The following MED12L variants were observed in gnomAD, a reference collection of about 807,000 sequenced individuals.
MED12L encodes the protein mediator complex subunit 12L, also known as mediator of RNA polymerase II transcription subunit 12-like protein.
In MED12L, 60 loss-of-function variants were observed where a neutral mutation model predicts 281.3. The ratio of observed to expected loss-of-function variants is 0.21; its 90% confidence interval spans 0.17 to 0.26. The LOEUF is 0.26. Among genes scored for constraint, MED12L ranks in the 10% least tolerant of loss-of-function variants. MED12L has a pLI of 1.00. For missense variants in MED12L, 2,146 were observed against 2,680.9 expected, an observed-to-expected ratio of 0.80 and a Z score of 4.41; for synonymous variants, 974 against 987.2, an observed-to-expected ratio of 0.99 and a Z score of 0.25.
At chr3:151,387,341 G>A (rs1204142071) in intron 36 of MED12L, among the ~76,000 whole-genome samples, 1 of 152,064 alleles carries the variant, frequency 6.6e-6, no homozygotes, top group African/African-American at 2.4e-5. Flanking sequence ...ATTGAACCAA[G>A]TTCATGCAGA....
At position 151,416,367 on chromosome 3, in the gene MED12L, C is replaced by T. The variant is rs747578439; in HGVS notation, c.6353C>T (p.Ser2118Leu). ...PQQPPQPQQS[S>L]QSQSQTLGLQ... ...CAGCCTCCCCAGCCCCAGCAGTCCTCGCAGTCCCAGAGTCAGACCCTTGGT... is the reference window on the plus strand; with the variant it reads ...CAGCCTCCCCAGCCCCAGCAGTCCTTGCAGTCCCAGAGTCAGACCCTTGGT... Residue 2118 changes from serine (S) to leucine (L), a missense_variant, in exon 43 of 45, where the codon TCG becomes TTG. Physicochemically the swap from Ser to Leu is moderately radical, Grantham distance 145. Around this residue, in one of 9 missense-constraint regions of MED12L, gnomAD observed 496 missense variants for 512.0 expected, o/e 0.97. Transcript: ENST00000687756. The T allele has an allele frequency of 4.8e-5, 78 of 1,610,976 alleles. No homozygotes were observed. The highest frequency in any genetic ancestry group is 1.5e-4 in the African/African-American group (11 of 74,582).
chr3:151,354,553 G>C (rs1209059813), intron 17 of MED12L, among the ~76,000 whole-genome samples: 1 of 152,122 alleles, frequency 6.6e-6, no homozygotes, highest in Non-Finnish European at 1.5e-5. Flanking sequence ...GTCAAAGTGA[G>C]CCCAGGAGAT....
intron 27 of MED12L, among the ~76,000 whole-genome samples, 168 bp downstream of exon 27, chr3:151,372,934 A>C (rs903468403): frequency 6.6e-5 from 10 of 151,492 alleles, no homozygotes; most frequent in African/African-American, 2.2e-4. Flanking sequence ...TTTTTAAAAA[A>C]CTCATGTCCA....
At chr3:151,340,459 A>G (rs10935838) in intron 16 of MED12L, 129,474 of 152,590 alleles carry the variant, frequency 0.85, 54,971 homozygotes, top group Middle Eastern at 0.95. Flanking sequence ...TATTTTAATT[A>G]TAATTTTTAT....
chr3:151,329,563 G>A (rs950019131), intron 16 of MED12L: 1 of 1,484,692 alleles, frequency 6.7e-7, no homozygotes, highest in Admixed American at 2.0e-5. Flanking sequence ...TGAAGCAAAT[G>A]TTCTGCTTTC....
chr3:151,351,712 C>T (rs1753258349), intron 17 of MED12L, among the ~76,000 whole-genome samples: 2 of 152,046 alleles, frequency 1.3e-5, no homozygotes, highest in South Asian at 4.1e-4. Context: ...TCAGGAGGTT[C>T]GTAATACATA....
At chr3:151,130,618 C>T (rs774044394) in intron 5 of MED12L, among the ~76,000 whole-genome samples, 14 of 152,172 alleles carry the variant, frequency 9.2e-5, no homozygotes, top group East Asian at 1.9e-4. Context: ...GCGACGCCAG[C>T]GACCTGCCTG....
chr3:151,154,070 C>T (rs1378497199), intron 5 of MED12L, among the ~76,000 whole-genome samples: 1 of 152,140 alleles, frequency 6.6e-6, no homozygotes, highest in Admixed American at 6.5e-5. Context: ...TTACCATTCT[C>T]TAGTCGTGAA....
chr3:151,382,775 A>G (rs369127425), intron 33 of MED12L, 30 bp downstream of exon 33: 3 of 1,549,862 alleles, frequency 1.9e-6, no homozygotes, highest in South Asian at 2.3e-5. Context: ...TTTTCCCTCC[A>G]TTAAACATAT....
At chr3:151,286,372 A>G (rs960800705) in intron 16 of MED12L, among the ~76,000 whole-genome samples, 1 of 152,230 alleles carries the variant, frequency 6.6e-6, no homozygotes, top group Non-Finnish European at 1.5e-5. Flanking sequence ...TAGAATTTAA[A>G]TTATTTATTC....
intron 11 of MED12L, among the ~76,000 whole-genome samples, chr3:151,184,949 C>T (rs1723097539): frequency 6.6e-6 from 1 of 152,136 alleles, no homozygotes; most frequent in South Asian, 2.1e-4. Context: ...AGGGTGCCAA[C>T]AGTAGAGTGA....
intron 2 of MED12L, among the ~76,000 whole-genome samples, chr3:151,113,696 G>T (rs1712286937): frequency 6.6e-6 from 1 of 152,176 alleles, no homozygotes; most frequent in Non-Finnish European, 1.5e-5. Flanking sequence ...TATCTGTGTG[G>T]CTCCTAGTTT....
At chr3:151,343,535 GTGA>G (rs1435996980) in intron 16 of MED12L, among the ~76,000 whole-genome samples, 3 of 152,160 alleles carry the variant, frequency 2.0e-5, no homozygotes, top group African/African-American at 7.2e-5. Flanking sequence ...AAATCTTTAA[GTGA>G]AAAGTATCTC....
At chr3:151,346,161 T>C (rs922393670) in intron 16 of MED12L, among the ~76,000 whole-genome samples, 1 of 152,178 alleles carries the variant, frequency 6.6e-6, no homozygotes, top group African/African-American at 2.4e-5. Context: ...AAAATGTCTT[T>C]TTATTTTCAC....
chr3:151,310,390 T>C (rs1160516997), intron 16 of MED12L, among the ~76,000 whole-genome samples: 1 of 152,246 alleles, frequency 6.6e-6, no homozygotes, highest in African/African-American at 2.4e-5. Context: ...AAAATGGCTT[T>C]GCCTGGATTA....
chr3:151,242,817 T>C (rs1365702270), intron 16 of MED12L, among the ~76,000 whole-genome samples: 2 of 151,446 alleles, frequency 1.3e-5, no homozygotes. Flanking sequence ...CAAATTACTC[T>C]GAGCTACGGG....
chr3:151,350,343 C>G (rs1753066749), intron 17 of MED12L, 137 bp downstream of exon 17: 2 of 683,508 alleles, frequency 2.9e-6, no homozygotes, highest in South Asian at 7.6e-5. Flanking sequence ...GAAATGTGAA[C>G]AAGCACATTT....
At chr3:151,328,630 G>T (rs200663977) in intron 16 of MED12L, 51 of 1,613,588 alleles carry the variant, frequency 3.2e-5, no homozygotes, top group Non-Finnish European at 3.5e-5. Flanking sequence ...TGATCTTGAG[G>T]AATCTGTCAA....
chr3:151,157,612 A>G (rs1719456204), intron 6 of MED12L, among the ~76,000 whole-genome samples: 1 of 152,198 alleles, frequency 6.6e-6, no homozygotes, highest in Non-Finnish European at 1.5e-5. Context: ...TAAAATTTTA[A>G]ATTGCACTTT....
Sources: allele counts gnomAD v4.1 joint callset (sites outside exome capture counted in the v4.1 genomes callset), GRCh38; gene constraint gnomAD v4.1.1; regional missense constraint gnomAD v4.1.1; transcripts MANE v1.5; gene names NCBI Gene and HGNC (gene_info 2026-07-23, HGNC 2026-07-21).